The following CALCRL variants were observed in gnomAD, a reference collection of about 807,000 sequenced individuals.
CALCRL encodes calcitonin gene-related peptide type 1 receptor.
CALCRL carries 27 observed loss-of-function variants against 60.4 expected under a neutral mutation model. That is an observed-to-expected ratio of 0.45 (90% CI 0.33 to 0.62). The LOEUF (loss-of-function observed/expected upper bound fraction) is 0.62. Ranked by LOEUF, CALCRL falls within the 20% of genes least tolerant of loss-of-function variation. CALCRL has a pLI of 0.03. For missense variants in CALCRL, 424 were observed against 540.7 expected, an observed-to-expected ratio of 0.78 and a Z score of 2.14; for synonymous variants, 190 against 182.6, an observed-to-expected ratio of 1.04 and a Z score of -0.33.
At chr2:187,400,343 A>G (rs992338249) in intron 1 of CALCRL, among the ~76,000 whole-genome samples, 2 of 151,528 alleles carry the variant, frequency 1.3e-5, no homozygotes, top group Non-Finnish European at 3.0e-5. Context: ...ATACCACTTC[A>G]TACCCACTAG....
rs1472745221 is a variant in CALCRL at position 187,342,516 on chromosome 2, C to A, written c.*3668G>T. Among the ~76,000 whole-genome samples, 2 of 151,544 alleles carry A rather than the reference C, an allele frequency of 1.3e-5. No individual in the cohort carries two copies. Among genetic ancestry groups the A allele is most frequent in the Non-Finnish European group, 3.0e-5 (2 of 67,636 alleles). On this transcript the variant is annotated 3_prime_UTR_variant, in exon 15 of 15. Transcript: ENST00000392370. ...TAACACTCTCATGTACCTATCTCAA[C>A]AATAGGCCAAACCTTATTAAACTAG... is the stretch of plus-strand genomic sequence containing the variant.
At chr2:187,433,161 A>G (rs1031515018) in intron 1 of CALCRL, among the ~76,000 whole-genome samples, 6 of 152,148 alleles carry the variant, frequency 3.9e-5, no homozygotes, top group African/African-American at 1.4e-4. Context: ...ATTGGCATAC[A>G]TATGAAATTT....
chr2:187,395,190 G>T (rs928848760), intron 1 of CALCRL, among the ~76,000 whole-genome samples: 2 of 152,106 alleles, frequency 1.3e-5, no homozygotes, highest in Admixed American at 1.3e-4. Context: ...CAGAACTCAG[G>T]TTTTCTGACC....
intron 8 of CALCRL, among the ~76,000 whole-genome samples, chr2:187,366,443 A>G (rs183944827): frequency 6.6e-6 from 1 of 152,100 alleles, no homozygotes; most frequent in Non-Finnish European, 1.5e-5. Flanking sequence ...GAAATTATAA[A>G]TATTTGGGAA....
At chr2:187,428,728 C>A (rs1000284025) in intron 1 of CALCRL, 2 of 152,136 alleles carry the variant, frequency 1.3e-5, no homozygotes, top group Non-Finnish European at 2.9e-5. Flanking sequence ...CCCATCTCTA[C>A]TAAAAATACA....
chr2:187,365,400 A>G (rs990267349), intron 8 of CALCRL, among the ~76,000 whole-genome samples: 3 of 152,162 alleles, frequency 2.0e-5, no homozygotes, highest in African/African-American at 7.2e-5. Flanking sequence ...AGTATTGTTT[A>G]GAGAGAGGAA....
intron 1 of CALCRL, among the ~76,000 whole-genome samples, chr2:187,419,283 G>A (rs1358411704): frequency 6.6e-6 from 1 of 152,074 alleles, no homozygotes; most frequent in East Asian, 1.9e-4. Flanking sequence ...GGTTAATGAA[G>A]TAATAAATGC....
intron 1 of CALCRL, among the ~76,000 whole-genome samples, chr2:187,396,042 G>C (rs1244401424): frequency 2.0e-5 from 3 of 151,584 alleles, no homozygotes; most frequent in Non-Finnish European, 4.4e-5. Flanking sequence ...TGTTGTTGTT[G>C]TTGTTGTTGT....
chr2:187,418,644 G>A (rs1190235799), intron 1 of CALCRL, among the ~76,000 whole-genome samples: 1 of 151,988 alleles, frequency 6.6e-6, no homozygotes, highest in Non-Finnish European at 1.5e-5. Flanking sequence ...TTGGAAGATT[G>A]GTTAAATTGC....
intron 8 of CALCRL, among the ~76,000 whole-genome samples, chr2:187,366,309 C>T (rs1370549057): frequency 6.9e-6 from 1 of 145,868 alleles, no homozygotes; most frequent in African/African-American, 2.5e-5. Context: ...TGTAGGATGA[C>T]TATAGTTAAT....
At chr2:187,380,627 A>T (rs1687946611) in intron 6 of CALCRL, 48 bp from the exon 7 acceptor site, 1 of 1,569,402 alleles carries the variant, frequency 6.4e-7, no homozygotes. Flanking sequence ...TTAACCTAGG[A>T]TTTATTAAAT....
chr2:187,371,076 A>C (rs969336744), intron 8 of CALCRL, among the ~76,000 whole-genome samples: 1 of 152,032 alleles, frequency 6.6e-6, no homozygotes, highest in Non-Finnish European at 1.5e-5. Context: ...CCCCGTCTCT[A>C]CTAAAACTAC....
In CALCRL at chr2:187,404,014, A is replaced by C. The variant is rs2105830743; in HGVS notation, c.-292-16258T>G. ...ATTTCAGTGAGCCTAACCTTTACCA[A>C]GTGCTATTATCAACTCAATTGTATG... On this transcript the variant is annotated intron_variant, in intron 1 of 14. Coordinates refer to ENST00000392370, the MANE Select transcript of CALCRL (RefSeq NM_005795.6). Among the ~76,000 whole-genome samples, 3 of 152,048 alleles carry C rather than the reference A, an allele frequency of 2.0e-5. No homozygotes were observed. In the Middle Eastern group the frequency reaches 0.01, roughly 517 times the overall value.
intron 1 of CALCRL, among the ~76,000 whole-genome samples, chr2:187,395,224 T>C (rs1363683973): frequency 6.6e-6 from 1 of 152,066 alleles, no homozygotes; most frequent in African/African-American, 2.4e-5. Flanking sequence ...CTTTGCCCTG[T>C]ATCATACTGA....
Position 187,363,588 on chromosome 2 carries a change from T to C in CALCRL, c.501-86A>G, listed in dbSNP as rs1241194877. 4 of 1,283,492 alleles carry C rather than the reference T, an allele frequency of 3.1e-6. No individual in the cohort carries two copies. The South Asian group carries it at 6.6e-5, about 21-fold the overall frequency. 79.5% of individuals were successfully genotyped at this position (1,283,492 alleles called of 1,614,324 possible). On this transcript the variant is annotated intron_variant, in intron 8 of 14. Transcript: ENST00000392370. ...TCAAATAAGATACATTCCCAATTCA[T>C]AGCAGCTGATCCACTTTTGAAACAA...
intron 5 of CALCRL, among the ~76,000 whole-genome samples, 166 bp downstream of exon 5, chr2:187,383,007 A>G (rs1688043324): frequency 6.6e-6 from 1 of 152,226 alleles, no homozygotes; most frequent in Non-Finnish European, 1.5e-5. Flanking sequence ...AAGCGATATA[A>G]CATGATGTCA....
chr2:187,380,622 C>A lies in CALCRL; in HGVS notation c.296-43G>T, dbSNP rs1490229818. 3 of 1,589,936 alleles carry A rather than the reference C, an allele frequency of 1.9e-6. 1 individual carries two copies. Reference sequence around the variant, plus strand: ...AAGGGAAAACAGGAATTTAATTAACCTAGGATTTATTAAATAGATGTCAAG... The same window carrying A: ...AAGGGAAAACAGGAATTTAATTAACATAGGATTTATTAAATAGATGTCAAG... On this transcript the variant is annotated intron_variant, in intron 6 of 14. Transcript: ENST00000392370.
Position 187,385,645 on chromosome 2 carries a change from TAAAAG to T in CALCRL, c.-36-19_-36-15del, listed in dbSNP as rs766728552. 2.1e-5 allele frequency: 27 copies of T among 1,258,870 alleles called. No individual in the cohort carries two copies. The African/African-American group carries it at 3.4e-4, about 16-fold the overall frequency. 78.0% of individuals were successfully genotyped at this position (1,258,870 alleles called of 1,614,324 possible). On this transcript the variant is annotated splice_polypyrimidine_tract_variant and intron_variant, in intron 3 of 14. Transcript: ENST00000392370. ...GTATAACATAAACTGCAACAGAAAA[TAAAAG>T]AAATATAATTCATCAATATTTATGA...
intron 1 of CALCRL, among the ~76,000 whole-genome samples, chr2:187,423,248 A>G (rs1042633096): frequency 6.6e-6 from 1 of 152,020 alleles, no homozygotes; most frequent in Non-Finnish European, 1.5e-5. Flanking sequence ...ATTGTTTTTA[A>G]TTTAATATAT....
Sources: gnomAD v4.1 joint callset for allele counts (sites outside exome capture counted in the v4.1 genomes callset) on GRCh38, gnomAD v4.1.1 for gene constraint, MANE v1.5 for transcripts, NCBI Gene and HGNC (gene_info 2026-07-23, HGNC 2026-07-21) for gene names.